Variants in WDR81 observed in about 807,000 individuals in gnomAD.
WDR81 encodes the protein WD repeat domain 81, also known as WD repeat-containing protein 81.
WDR81 carries 92 observed loss-of-function variants against 140.8 expected under a neutral mutation model. The ratio of observed to expected loss-of-function variants is 0.65; its 90% CI spans 0.55 to 0.78. The LOEUF (loss-of-function observed/expected upper bound fraction) is 0.78, where lower values mean the gene tolerates loss of function less well. WDR81 is among the 30% of genes least tolerant of loss of function. The probability of loss-of-function intolerance (pLI) is 0.00; values close to 1 mark genes in which losing one functional copy is unlikely to be tolerated. For missense variants in WDR81, 2,502 were observed against 2,636.4 expected (o/e 0.95, Z 1.12); for synonymous variants, 1,183 against 1,156.4 (o/e 1.02, Z -0.47).
rs764503998 is a variant in WDR81 at position 1,725,278 on chromosome 17, G to A, written c.319G>A (p.Val107Met). 6.8e-5 allele frequency: 105 copies of A among 1,546,188 alleles called. No homozygotes were observed. The highest frequency in any genetic ancestry group is 3.3e-4 in the Middle Eastern group (2 of 6,014). ...RLPAGWTRVE[V>M]HGLRKRRLSY... ...GCCTGCCGGCTGGACGCGCGTGGAGGTGCATGGGCTGCGGAAGCGGAGACT... is the reference window on the plus strand; with the variant it reads ...GCCTGCCGGCTGGACGCGCGTGGAGATGCATGGGCTGCGGAAGCGGAGACT... Residue 107 changes from valine (V) to methionine (M), a missense_variant, in exon 1 of 10, where the codon GTG becomes ATG. This residue lies in a region of WDR81 where 547 missense variants were observed against 513.8 expected (regional missense o/e 1.06). Coordinates refer to ENST00000409644, the MANE Select transcript of WDR81 (RefSeq NM_001163809.2).
chr17:1,736,242 C>T (rs1316337791), intron 9 of WDR81, 24 bp downstream of exon 9: 14 of 1,586,984 alleles, frequency 8.8e-6, no homozygotes, highest in Admixed American at 1.7e-5. Context: ...TCTCCCTCCC[C>T]TTGCTGCCCA....
upstream of WDR81, among the ~76,000 whole-genome samples, chr17:1,722,694 T>A (rs1363341459): frequency 9.4e-6 from 1 of 106,092 alleles, no homozygotes; most frequent in Non-Finnish European, 1.9e-5. Context: ...TTTCTTTCTT[T>A]CTTTTTTTTT....
chr17:1,730,915 C>G lies in WDR81; in HGVS notation c.3936C>G (p.Thr1312=). 6.2e-7 allele frequency: 1 copy of G among 1,613,312 alleles called. No individual in the cohort carries two copies. ...IARLYGEPVL[T]YQYLPYISYL... ...GCCTGTATGGGGAGCCTGTCCTCAC[C>G]TACCAGTACCTGCCCTACATCAGCT... Residue 1312 remains threonine, a synonymous_variant, in exon 3 of 10, where the codon ACC becomes ACG. Coordinates refer to ENST00000409644, the MANE Select transcript of WDR81 (RefSeq NM_001163809.2).
upstream of WDR81, chr17:1,724,697 C>T (rs1325705449): frequency 3.7e-6 from 4 of 1,077,242 alleles, no homozygotes; most frequent in South Asian, 4.5e-5. Flanking sequence ...ATCACGTGAC[C>T]CGCGTCAGCT....
In WDR81 at chr17:1,735,866, C is replaced by T; in HGVS notation, c.5325+149C>T. The stretch of plus-strand genomic sequence containing the variant: ...GCTAGATCACCCACAGCCACACATC[C>T]TGCGGGGCAGGACTCTGGCCTGTGA... On this transcript the variant is annotated intron_variant, in intron 8 of 9. Coordinates refer to ENST00000409644, the MANE Select transcript of WDR81 (RefSeq NM_001163809.2). This position sits in a 1 kb window ranked among gnomAD's most constrained non-coding sequence, Gnocchi z 4.2. 7.3e-7 allele frequency: 1 copy of T among 1,368,866 alleles called. No homozygotes were observed. Among genetic ancestry groups the T allele is most frequent in the African/African-American group, 1.5e-5 (1 of 68,622 alleles). The allele number at this position is 1,368,866 out of a possible 1,614,324, so 84.8% of individuals were successfully genotyped here.
At chr17:1,734,345 A>G in intron 7 of WDR81, 129 bp downstream of exon 7, 1 of 1,116,906 alleles carries the variant, frequency 9.0e-7, no homozygotes, top group African/African-American at 1.6e-5. Flanking sequence ...CGCCTAGGAG[A>G]ACAGTTAGGG....
intron 3 of WDR81, 59 bp downstream of exon 3, chr17:1,731,004 C>T (rs1904313643): frequency 1.2e-5 from 19 of 1,604,444 alleles, no homozygotes; most frequent in Non-Finnish European, 1.4e-5. Flanking sequence ...AGGGCCGGCC[C>T]GGGCTCTCTT....
chr17:1,732,501 C>G lies in WDR81; in HGVS notation c.4323+11C>G. 1.3e-6 allele frequency: 2 copies of G among 1,560,294 alleles called. No individual in the cohort carries two copies. The highest frequency in any genetic ancestry group is 2.2e-5 in the South Asian group (2 of 90,180). On this transcript the variant is annotated intron_variant, in intron 5 of 9. Coordinates refer to ENST00000409644, the MANE Select transcript of WDR81 (RefSeq NM_001163809.2). ...GAGCTTCGGCAACAGGTGGGCAGAT[C>G]TGCTGGGCCAGGGCGGGCTGGGGCG... is the stretch of plus-strand genomic sequence containing the variant.
chr17:1,732,881 C>T, intron 6 of WDR81, 50 bp downstream of exon 6: 2 of 1,548,248 alleles, frequency 1.3e-6, no homozygotes, highest in Non-Finnish European at 1.7e-6. Flanking sequence ...TGTCTCCTCC[C>T]TTGGGAGGCC....
Position 1,732,688 on chromosome 17 carries a change from G to A in WDR81, c.4346G>A (p.Gly1449Asp). ...TAGGATCTGAAGCTGGACCCTGCGG[G>A]CCGTGGTGAGGGCCAGCTGCCACAG... ...RQQDLKLDPAGRGEGQLPQVV... is the reference protein window; with the variant it reads ...RQQDLKLDPADRGEGQLPQVV... The change falls in exon 6 of 10, where the codon GGC (glycine) becomes GAC (aspartate). Residue 1449 changes from glycine (G) to aspartate (D), a missense_variant. Physicochemically the swap from Gly to Asp is moderately conservative, Grantham distance 94 (BLOSUM62 -1). Transcript: ENST00000409644. 1.2e-6 allele frequency: 2 copies of A among 1,609,438 alleles called. No homozygotes were observed. The highest frequency in any genetic ancestry group is 1.7e-6 in the Non-Finnish European group (2 of 1,178,044).
Position 1,725,055 on chromosome 17 carries a change from G to A in WDR81, c.96G>A (p.Arg32=), listed in dbSNP as rs1325413185. The A allele has an allele frequency of 6.7e-7, 1 of 1,482,136 alleles. No homozygotes were observed. The highest frequency in any genetic ancestry group is 2.4e-5 in the Admixed American group (1 of 42,100). 91.8% of individuals were successfully genotyped at this position (1,482,136 alleles called of 1,614,324 possible). The change falls in exon 1 of 10, where the codon CGG becomes CGA. Residue 32 remains arginine, a synonymous_variant. Transcript: ENST00000409644. ...GCCCAGACATGCAGGAGCTGCTCCGGAGCGTGGAGAGGGACCTGAGCATCG... is the reference window on the plus strand; with the variant it reads ...GCCCAGACATGCAGGAGCTGCTCCGAAGCGTGGAGAGGGACCTGAGCATCG... ...PPSPDMQELL[R]SVERDLSIDP...
At chr17:1,724,494 G>A, upstream of WDR81, 1 of 985,954 alleles carries the variant, frequency 1.0e-6, no homozygotes, top group African/African-American at 1.7e-5. Flanking sequence ...GTAGGGAGGG[G>A]TGGGGCGGTA....
At chr17:1,723,767 G>T (rs1331967918), upstream of WDR81, among the ~76,000 whole-genome samples, 1 of 152,042 alleles carries the variant, frequency 6.6e-6, no homozygotes, top group Non-Finnish European at 1.5e-5. Flanking sequence ...TTACAGGCGT[G>T]AGCCACTGCA....
At position 1,737,707 on chromosome 17, in the gene WDR81, G is replaced by A. The variant is rs769845680; in HGVS notation, c.*22G>A. 8.8e-6 allele frequency: 14 copies of A among 1,586,780 alleles called. No homozygotes were observed. The highest frequency in any genetic ancestry group is 1.7e-4 in the Middle Eastern group (1 of 5,970). On this transcript the variant is annotated 3_prime_UTR_variant, in exon 10 of 10. Transcript: ENST00000409644. ...ATAGACTGAGGCAGGAGCTGGCCGG[G>A]CAAGGGTGGGAAGACATCTGCGGGC...
Position 1,725,350 on chromosome 17 carries a change from G to A in WDR81, c.391G>A (p.Gly131Ser). 6.5e-7 allele frequency: 1 copy of A among 1,549,218 alleles called. No individual in the cohort carries two copies. The highest frequency in any genetic ancestry group is 8.7e-7 in the Non-Finnish European group (1 of 1,146,952). The change falls in exon 1 of 10, where the codon GGC becomes AGC. Residue 131 changes from glycine (G) to serine (S), a missense_variant. Physicochemically the swap from Gly to Ser is moderately conservative, Grantham distance 56 (BLOSUM62 0). Around this residue, in one of 3 missense-constraint regions of WDR81, gnomAD observed 547 missense variants for 513.8 expected, o/e 1.06. Coordinates refer to ENST00000409644, the MANE Select transcript of WDR81 (RefSeq NM_001163809.2). Reference sequence around the variant, plus strand: ...CCTGCCCTTTGAGGACGGGTCCTGCGGCCCTGAGACCCTCACTCGCTTCAT... The same window carrying A: ...CCTGCCCTTTGAGGACGGGTCCTGCAGCCCTGAGACCCTCACTCGCTTCAT... ...GGLPFEDGSCGPETLTRFMQE... is the reference protein window; with the variant it reads ...GGLPFEDGSCSPETLTRFMQE...
Position 1,730,433 on chromosome 17 carries a change from G to A in WDR81, c.3721G>A (p.Ala1241Thr), listed in dbSNP as rs756802510. Residue 1241 changes from alanine to threonine, a missense_variant, in exon 2 of 10, where the codon GCC becomes ACC. Transcript: ENST00000409644. ...GTCTGCCAAGCTCGGCCCCACAGTGGCCTCTCGCCACGTGGCCCGGAACCT... is the reference window on the plus strand; with the variant it reads ...GTCTGCCAAGCTCGGCCCCACAGTGACCTCTCGCCACGTGGCCCGGAACCT... Reference protein sequence around the residue: ...WLSAKLGPTVASRHVARNLLR... With the variant: ...WLSAKLGPTVTSRHVARNLLR... 6.2e-7 allele frequency: 1 copy of A among 1,613,140 alleles called. No individual in the cohort carries two copies. Among genetic ancestry groups the A allele is most frequent in the Non-Finnish European group, 8.5e-7 (1 of 1,179,958 alleles).
In WDR81 at chr17:1,728,182, G is replaced by A. The variant is rs775007770; in HGVS notation, c.3223G>A (p.Asp1075Asn). 1.6e-5 allele frequency: 25 copies of A among 1,605,280 alleles called. No individual in the cohort carries two copies. Among genetic ancestry groups the A allele is most frequent in the African/African-American group, 2.7e-5 (2 of 74,762 alleles). Residue 1075 changes from aspartate to asparagine, a missense_variant, in exon 1 of 10, where the codon GAC becomes AAC. Transcript: ENST00000409644. ...PDYTSGVSFHDQADLPETEDF... is the reference protein window; with the variant it reads ...PDYTSGVSFHNQADLPETEDF... ...CTACACGTCTGGCGTCAGCTTCCAC[G>A]ACCAGGCTGACCTCCCTGAGACAGA...
chr17:1,736,025 C>A lies in WDR81; in HGVS notation c.5326-14C>A, dbSNP rs1904831032. On this transcript the variant is annotated splice_polypyrimidine_tract_variant and intron_variant, in intron 8 of 9. Coordinates refer to ENST00000409644, the MANE Select transcript of WDR81 (RefSeq NM_001163809.2). ...GGAAGGTGGTGCCTCAGCTCAGCCG[C>A]CCTCTCCCTGCAGCACGAGTTCCGA... The A allele has an allele frequency of 1.1e-5, 18 of 1,583,112 alleles. 1 individual carries two copies. Among genetic ancestry groups the A allele is most frequent in the South Asian group, 3.4e-5 (3 of 89,186 alleles).
rs536584345 is a variant in WDR81 at position 1,718,357 on chromosome 17, AT to A, written c.-124+1725del. Among the ~76,000 whole-genome samples, 40 of 152,232 alleles carry A rather than the reference AT, an allele frequency of 2.6e-4. 1 individual carries two copies. The highest frequency in any genetic ancestry group is 9.1e-4 in the African/African-American group (38 of 41,546). ...GGTCTCGAACTCCTCACCTCAGGTG[AT>A]CCACCCGCCTCGGTCTCCCAAAGTG... On this transcript the variant is annotated intron_variant, in intron 1 of 10. Transcript: ENST00000309182.
Sources: gnomAD v4.1 joint callset for allele counts (sites outside exome capture counted in the v4.1 genomes callset) on GRCh38, gnomAD v4.1.1 for gene constraint, gnomAD v4.1.1 regional missense constraint, Gnocchi (gnomAD v3.1) non-coding constraint, MANE v1.5 for transcripts, NCBI Gene and HGNC (gene_info 2026-07-23, HGNC 2026-07-21) for gene names.